Variants in EPHA6 observed in about 807,000 individuals in gnomAD.
EPHA6 encodes ephrin type-A receptor 6.
EPHA6 carries 50 observed loss-of-function variants against 112.0 expected under a neutral mutation model. That is an observed-to-expected ratio of 0.45 (90% CI 0.36 to 0.56). The LOEUF (loss-of-function observed/expected upper bound fraction) is 0.56, where lower values mean the gene tolerates loss of function less well. Among genes scored for constraint, EPHA6 ranks in the 20% least tolerant of loss-of-function variants. The pLI is 0.00. For missense variants in EPHA6, 1,280 were observed against 1,417.4 expected, an observed-to-expected ratio of 0.90 and a Z score of 1.56; for synonymous variants, 529 against 490.7, an observed-to-expected ratio of 1.08 and a Z score of -1.03.
chr3:97,320,957 A>G (rs2082091384), intron 5 of EPHA6, among the ~76,000 whole-genome samples: 1 of 152,016 alleles, frequency 6.6e-6, no homozygotes, highest in African/African-American at 2.4e-5. Context: ...CACACAAAAA[A>G]CATGGGTGGC....
At chr3:97,222,064 TA>T (rs1005780296) in intron 3 of EPHA6, among the ~76,000 whole-genome samples, 10 of 149,714 alleles carry the variant, frequency 6.7e-5, no homozygotes, top group Admixed American at 2.7e-4. Context: ...ACAAAAACCC[TA>T]AAACCTAAAT....
chr3:97,415,833 T>C (rs1471116568), intron 6 of EPHA6, among the ~76,000 whole-genome samples: 1 of 152,122 alleles, frequency 6.6e-6, no homozygotes, highest in African/African-American at 2.4e-5. Context: ...ACAATATGCC[T>C]GCATTCTGCA....
chr3:97,508,836 G>A (rs932896840), intron 10 of EPHA6, among the ~76,000 whole-genome samples: 2 of 151,994 alleles, frequency 1.3e-5, no homozygotes, highest in African/African-American at 2.4e-5. Context: ...GAACCTGGGA[G>A]CTTCTGTATT....
At chr3:97,197,309 C>G (rs897651054) in intron 3 of EPHA6, among the ~76,000 whole-genome samples, 1 of 151,906 alleles carries the variant, frequency 6.6e-6, no homozygotes, top group Non-Finnish European at 1.5e-5. Context: ...GGCCCTGGAT[C>G]TCACCCAATG....
At chr3:97,622,321 T>C (rs1002749667) in intron 13 of EPHA6, among the ~76,000 whole-genome samples, 2 of 151,850 alleles carry the variant, frequency 1.3e-5, no homozygotes, top group African/African-American at 4.8e-5. Flanking sequence ...CTACTCTTAG[T>C]ATCTCATGTA....
intron 3 of EPHA6, among the ~76,000 whole-genome samples, chr3:97,034,030 T>C (rs1176994265): frequency 6.6e-6 from 1 of 151,938 alleles, no homozygotes; most frequent in African/African-American, 2.4e-5. Flanking sequence ...TTTAAACTTA[T>C]TGCTGACCAC....
At chr3:97,532,724 A>C (rs1205964743) in intron 11 of EPHA6, among the ~76,000 whole-genome samples, 181 bp downstream of exon 11, 1 of 152,076 alleles carries the variant, frequency 6.6e-6, no homozygotes. Context: ...ATTGGTCACC[A>C]AACAGCTTTG....
At chr3:96,951,821 T>G (rs531421707) in intron 2 of EPHA6, among the ~76,000 whole-genome samples, 8 of 152,168 alleles carry the variant, frequency 5.3e-5, no homozygotes, top group African/African-American at 1.7e-4. Flanking sequence ...GAGTATGTTA[T>G]TTATGCAAAC....
chr3:97,201,727 A>T (rs1222126161), intron 3 of EPHA6, among the ~76,000 whole-genome samples: 1 of 152,118 alleles, frequency 6.6e-6, no homozygotes, highest in African/African-American at 2.4e-5. Flanking sequence ...GCACTGCCTT[A>T]GTGTTCTCAT....
intron 7 of EPHA6, among the ~76,000 whole-genome samples, chr3:97,469,036 A>G (rs1374648708): frequency 1.3e-5 from 2 of 151,730 alleles, no homozygotes; most frequent in Non-Finnish European, 3.0e-5. Flanking sequence ...ACGTTTTTTA[A>G]TCATGCATCC....
chr3:97,648,910 G>A (rs546563775), intron 14 of EPHA6, among the ~76,000 whole-genome samples: 7 of 152,112 alleles, frequency 4.6e-5, no homozygotes, highest in South Asian at 4.1e-4. Flanking sequence ...GATACAATAC[G>A]TGGTAAAATG....
At chr3:97,741,558 CT>C (rs575386473) in intron 16 of EPHA6, among the ~76,000 whole-genome samples, 170 of 152,164 alleles carry the variant, frequency 1.1e-3, no homozygotes, top group Non-Finnish European at 1.8e-3. Context: ...TTAATCCTCA[CT>C]GTTATTATTC....
intron 2 of EPHA6, among the ~76,000 whole-genome samples, chr3:96,870,365 A>ATG: frequency 6.6e-6 from 1 of 152,202 alleles, no homozygotes. Flanking sequence ...GAGAAGACAG[A>ATG]TGTCGCAGCT....
intron 1 of EPHA6, among the ~76,000 whole-genome samples, chr3:96,823,320 A>G (rs1014750276): frequency 1.3e-5 from 2 of 151,756 alleles, no homozygotes; most frequent in African/African-American, 2.4e-5. Flanking sequence ...ATGATTAAAG[A>G]AAAACAGAGT....
chr3:97,217,994 G>A (rs927219074), intron 3 of EPHA6, among the ~76,000 whole-genome samples: 4 of 152,016 alleles, frequency 2.6e-5, no homozygotes, highest in African/African-American at 9.7e-5. Flanking sequence ...ATAAAGGCTG[G>A]GTGCAGATGC....
rs539304182 is a variant in EPHA6 at position 97,508,420 on chromosome 3, C to A, written c.2201-23938C>A. Among the ~76,000 whole-genome samples, 7 of 152,240 alleles carry A rather than the reference C, an allele frequency of 4.6e-5. No homozygotes were observed. In the East Asian group the frequency reaches 9.6e-4, roughly 21 times the overall value. On this transcript the variant is annotated intron_variant, in intron 10 of 17. Coordinates refer to ENST00000389672, the MANE Select transcript of EPHA6 (RefSeq NM_001080448.3). ...TATTTCTGCCTTAATTCATTATTTA[C>A]CCAGTAGTCATCCAGGAGCAGGTTG...
intron 13 of EPHA6, among the ~76,000 whole-genome samples, chr3:97,629,294 G>A (rs1005587086): frequency 1.3e-5 from 2 of 151,954 alleles, no homozygotes; most frequent in Non-Finnish European, 2.9e-5. Context: ...GAGAAAAATA[G>A]GTTAAACTTC....
chr3:97,282,538 T>A (rs1316822718), intron 5 of EPHA6, among the ~76,000 whole-genome samples: 1 of 152,162 alleles, frequency 6.6e-6, no homozygotes, highest in East Asian at 1.9e-4. Flanking sequence ...CATGCATGCG[T>A]ATGTTTATTG....
intron 14 of EPHA6, among the ~76,000 whole-genome samples, chr3:97,641,019 G>A (rs1323770027): frequency 1.3e-5 from 2 of 152,126 alleles, no homozygotes; most frequent in Admixed American, 1.3e-4. Context: ...TTAATTGTAA[G>A]GAAGAAGGAG....
Sources: gnomAD v4.1 joint callset for allele counts (sites outside exome capture counted in the v4.1 genomes callset) on GRCh38, gnomAD v4.1.1 for gene constraint, MANE v1.5 for transcripts, NCBI Gene and HGNC (gene_info 2026-07-23, HGNC 2026-07-21) for gene names.